FN1: variants seen among roughly 807,000 people sequenced by gnomAD.
The protein encoded by FN1 is fibronectin 1, also known as fibronectin.
A neutral mutation model predicts 297.3 loss-of-function variants in FN1; 106 were observed. That is an observed-to-expected ratio of 0.36 (90% CI 0.30 to 0.42). FN1 has a LOEUF of 0.42. Ranked by LOEUF, FN1 falls within the 10% of genes least tolerant of loss-of-function variation. The probability of loss-of-function intolerance (pLI) is 1.00; values close to 1 mark genes in which losing one functional copy is unlikely to be tolerated. For synonymous variants in FN1, 1,149 were observed against 1,152.6 expected (o/e 1.00, Z 0.06); for missense variants, 2,690 against 3,124.9 (o/e 0.86, Z 3.32).
Position 215,401,230 on chromosome 2 carries a change from GAAA to G in FN1, c.3254-1882_3254-1880del, listed in dbSNP as rs1180580928. ...AGAAAGAAAGAAAGAAAGAAAGAAA[GAAA>G]GAAAGAAAGAAAGAAAGGAAGAAAG... On this transcript the variant is annotated intron_variant, in intron 20 of 45. Coordinates refer to ENST00000354785, the MANE Select transcript of FN1 (RefSeq NM_212482.4). Among the ~76,000 whole-genome samples, 95 of 56,030 alleles carry G rather than the reference GAAA, an allele frequency of 1.7e-3. 3 individuals are homozygous for G. Among genetic ancestry groups the G allele is most frequent in the South Asian group, 5.3e-3 (10 of 1,884 alleles). The allele number at this position is 56,030 out of a possible 152,430, so 36.8% of individuals were successfully genotyped here. A position where few individuals can be genotyped will look rare whatever the true frequency, so the allele number is the denominator to read the frequency against.
chr2:215,426,158 T>C (rs374059129), intron 6 of FN1, among the ~76,000 whole-genome samples: 38 of 84,202 alleles, frequency 4.5e-4, no homozygotes, highest in African/African-American at 1.6e-3. Flanking sequence ...TTTTTTTTTT[T>C]TTTTTTTTGA....
chr2:215,406,611 T>G lies in FN1; in HGVS notation c.2714-101A>C, dbSNP rs2061808451. The G allele has an allele frequency of 2.2e-5, 28 of 1,261,884 alleles. No individual in the cohort carries two copies. The South Asian group carries it at 3.5e-4, about 16-fold the overall frequency. The allele number at this position is 1,261,884 out of a possible 1,614,324, so 78.2% of individuals were successfully genotyped here. A position where few individuals can be genotyped will look rare whatever the true frequency, so the allele number is the denominator to read the frequency against. Reference sequence around the variant, plus strand: ...GTTAGGCAGTTCATTGAGCCTCTCATTCGAGAGTTTTGCTAAGTTTTGTCT... The same window carrying G: ...GTTAGGCAGTTCATTGAGCCTCTCAGTCGAGAGTTTTGCTAAGTTTTGTCT... On this transcript the variant is annotated intron_variant, in intron 18 of 45. Transcript: ENST00000354785.
chr2:215,364,056 C>T (rs1480868871), intron 44 of FN1, among the ~76,000 whole-genome samples: 1 of 152,210 alleles, frequency 6.6e-6, no homozygotes, highest in African/African-American at 2.4e-5. Context: ...TCAGCCAGTT[C>T]ATGCTTCTCT....
intron 24 of FN1, 40 bp downstream of exon 24, chr2:215,394,488 G>A: frequency 6.7e-7 from 1 of 1,484,942 alleles, no homozygotes; most frequent in Non-Finnish European, 9.4e-7. Context: ...ACTCTTATTG[G>A]AAGTGTCACT....
chr2:215,361,603 G>A lies in FN1; in HGVS notation c.7386C>T (p.Cys2462=), dbSNP rs1424190264. 7 of 1,611,256 alleles carry A rather than the reference G, an allele frequency of 4.3e-6. No homozygotes were observed. The highest frequency in any genetic ancestry group is 2.2e-5 in the South Asian group (2 of 91,038). The change falls in exon 46 of 46, where the codon TGC becomes TGT. Residue 2462 remains cysteine (C), a synonymous_variant. Coordinates refer to ENST00000354785, the MANE Select transcript of FN1 (RefSeq NM_212482.4). ...CAGCCTGTACATCTAAAGGCATGAA[G>A]CACTCAATTGGGCAATTAACATTCT... The part of the protein sequence containing the change: ...TNTNVNCPIE[C]FMPLDVQADR...
chr2:215,414,082 G>A (rs1261406347), intron 13 of FN1, among the ~76,000 whole-genome samples: 1 of 152,158 alleles, frequency 6.6e-6, no homozygotes, highest in African/African-American at 2.4e-5. Context: ...TGTAATTGTA[G>A]AATTCAATAG....
intron 15 of FN1, among the ~76,000 whole-genome samples, chr2:215,408,784 G>A (rs1289052940): frequency 6.6e-6 from 1 of 152,094 alleles, no homozygotes; most frequent in Non-Finnish European, 1.5e-5. Flanking sequence ...TGGCCAGGCT[G>A]ATCTCGAACT....
At chr2:215,362,756 C>T (rs2053721237) in intron 44 of FN1, 1 of 153,602 alleles carries the variant, frequency 6.5e-6, no homozygotes, top group Non-Finnish European at 1.4e-5. Flanking sequence ...AATGGGAGGA[C>T]ACACATGTTC....
Position 215,379,287 on chromosome 2 carries a change from G to T in FN1, c.5465C>A (p.Thr1822Asn). The T allele has an allele frequency of 6.2e-7, 1 of 1,614,072 alleles. No individual in the cohort carries two copies. Residue 1822 changes from threonine (T) to asparagine (N), a missense_variant, in exon 34 of 46, where the codon ACT becomes AAT. Physicochemically the swap from Thr to Asn is moderately conservative, Grantham distance 65. This residue lies in a region of FN1 where 1,743 missense variants were observed against 1,945.2 expected (regional missense o/e 0.90). Transcript: ENST00000354785. Reference protein sequence around the residue: ...AIPAPTDLKFTQVTPTSLSAQ... With the variant: ...AIPAPTDLKFNQVTPTSLSAQ... Reference sequence around the variant, plus strand: ...GCTCAGGCTTGTGGGTGTGACCTGAGTGAACTTCAGGTCAGTTGGTGCAGG... The same window carrying T: ...GCTCAGGCTTGTGGGTGTGACCTGATTGAACTTCAGGTCAGTTGGTGCAGG...
intron 22 of FN1, 135 bp downstream of exon 22, chr2:215,397,545 C>G: frequency 1.3e-6 from 1 of 761,264 alleles, no homozygotes; most frequent in Non-Finnish European, 2.3e-6. Flanking sequence ...TCAGGAATAG[C>G]ATTAATAATA....
intron 21 of FN1, among the ~76,000 whole-genome samples, chr2:215,398,092 A>G (rs1409843028): frequency 6.6e-6 from 1 of 152,242 alleles, no homozygotes. Flanking sequence ...AAATGTCATT[A>G]CATACTGTTT....
intron 44 of FN1, chr2:215,362,289 C>A: frequency 1.8e-6 from 1 of 570,080 alleles, no homozygotes; most frequent in Non-Finnish European, 3.2e-6. Context: ...ACATCTGTCT[C>A]TCTATGTTGT....
intron 44 of FN1, chr2:215,362,289 C>G (rs752145367): frequency 1.3e-4 from 76 of 569,962 alleles, no homozygotes; most frequent in Non-Finnish European, 1.8e-4. Flanking sequence ...ACATCTGTCT[C>G]TCTATGTTGT....
intron 33 of FN1, 45 bp from the exon 34 acceptor site, chr2:215,379,362 G>A: frequency 6.4e-7 from 1 of 1,564,584 alleles, no homozygotes; most frequent in Non-Finnish European, 8.8e-7. Flanking sequence ...TAGGAAATGG[G>A]GGAAAAGGAA....
chr2:215,397,475 G>T (rs963777968), intron 22 of FN1, among the ~76,000 whole-genome samples: 2 of 152,032 alleles, frequency 1.3e-5, no homozygotes, highest in Admixed American at 1.3e-4. Flanking sequence ...TTCTTGACAT[G>T]GAAAGAACAT....
At chr2:215,411,359 C>T (rs1160987229) in intron 13 of FN1, among the ~76,000 whole-genome samples, 2 of 152,148 alleles carry the variant, frequency 1.3e-5, no homozygotes, top group African/African-American at 4.8e-5. Context: ...CAACCATTTC[C>T]TCAATAATTC....
In FN1 at chr2:215,383,360, G is replaced by A; in HGVS notation, c.5018C>T (p.Pro1673Leu). The change falls in exon 31 of 46, where the codon CCA becomes CTA. Residue 1673 changes from proline to leucine, a missense_variant. Coordinates refer to ENST00000354785, the MANE Select transcript of FN1 (RefSeq NM_212482.4). ...TGCAGTTTTAGTTTTTGTTGGTCCT[G>A]GTCCATTTTTGGGAGTGGTGGTTAC... is the stretch of plus-strand genomic sequence containing the variant. ...YRVTTTPKNG[P>L]GPTKTKTAGP... 1 of 1,614,086 alleles carries A rather than the reference G, an allele frequency of 6.2e-7. No homozygotes were observed. The highest frequency in any genetic ancestry group is 8.5e-7 in the Non-Finnish European group (1 of 1,179,990).
chr2:215,374,081 AGT>A (rs1491189743), intron 38 of FN1, among the ~76,000 whole-genome samples: 3 of 152,134 alleles, frequency 2.0e-5, no homozygotes, highest in Non-Finnish European at 4.4e-5. Flanking sequence ...TTTGAAAGAG[AGT>A]CCTGCAGATT....
intron 12 of FN1, among the ~76,000 whole-genome samples, chr2:215,418,737 C>A (rs1012547047): frequency 1.3e-4 from 20 of 152,096 alleles, no homozygotes; most frequent in Admixed American, 1.3e-4. Flanking sequence ...GTTACTCAAC[C>A]CTTGGCCCAA....
Sources: gnomAD v4.1 joint callset for allele counts (sites outside exome capture counted in the v4.1 genomes callset) on GRCh38, gnomAD v4.1.1 for gene constraint, gnomAD v4.1.1 regional missense constraint, MANE v1.5 for transcripts, NCBI Gene and HGNC (gene_info 2026-07-23, HGNC 2026-07-21) for gene names.